FN3K: variants seen among roughly 807,000 people sequenced by gnomAD.
FN3K encodes the protein fructosamine 3 kinase.
Under a neutral mutation model 24.8 loss-of-function variants are expected in FN3K, and 24 were observed. The observed-to-expected ratio is 0.97, with a 90% CI of 0.70 to 1.36. FN3K has a LOEUF of 1.36. Ranked by LOEUF, FN3K falls within the 40% of genes most tolerant of loss-of-function variation. FN3K has a pLI of 0.00. For synonymous variants in FN3K, 192 were observed against 175.2 expected, an observed-to-expected ratio of 1.10 and a Z score of -0.76; for missense variants, 449 against 416.7, an observed-to-expected ratio of 1.08 and a Z score of -0.67.
intron 1 of FN3K, 86 bp from the exon 2 acceptor site, chr17:82,738,403 C>T: frequency 6.4e-7 from 1 of 1,571,762 alleles, no homozygotes; most frequent in Non-Finnish European, 8.7e-7. Flanking sequence ...CCTTGTGACT[C>T]CCACGTGGTA....
At chr17:82,745,892 G>A (rs933800746) in intron 4 of FN3K, among the ~76,000 whole-genome samples, 5 of 151,988 alleles carry the variant, frequency 3.3e-5, no homozygotes, top group African/African-American at 1.2e-4. Context: ...AGGAGGTCGA[G>A]ACCATCATGG....
At chr17:82,739,375 G>A (rs1367855430) in intron 2 of FN3K, among the ~76,000 whole-genome samples, 2 of 151,794 alleles carry the variant, frequency 1.3e-5, no homozygotes, top group East Asian at 1.9e-4. Flanking sequence ...TGCAAACTCC[G>A]CCTCCTGGGT....
chr17:82,747,335 C>T (rs2046973964), intron 4 of FN3K, among the ~76,000 whole-genome samples: 1 of 152,172 alleles, frequency 6.6e-6, no homozygotes, highest in African/African-American at 2.4e-5. Context: ...CTTTCTTAAA[C>T]AGATTTTAGA....
intron 3 of FN3K, chr17:82,741,099 C>T (rs1230461522): frequency 1.5e-6 from 1 of 667,882 alleles, no homozygotes; most frequent in Non-Finnish European, 2.7e-6. Flanking sequence ...GTAATAATAA[C>T]CCCTTTTATA....
At chr17:82,743,925 T>C (rs2046954599) in intron 4 of FN3K, among the ~76,000 whole-genome samples, 2 of 152,168 alleles carry the variant, frequency 1.3e-5, no homozygotes, top group Non-Finnish European at 2.9e-5. Context: ...TCACAGCCCC[T>C]CTGTTCAGGT....
At chr17:82,747,486 T>C (rs918048460) in intron 4 of FN3K, among the ~76,000 whole-genome samples, 1 of 152,182 alleles carries the variant, frequency 6.6e-6, no homozygotes, top group African/African-American at 2.4e-5. Context: ...CTGCAACCTC[T>C]GCCTCTTGGT....
At chr17:82,741,577 C>T in intron 4 of FN3K, 184 bp downstream of exon 4, 1 of 599,916 alleles carries the variant, frequency 1.7e-6, no homozygotes, top group African/African-American at 1.8e-5. Context: ...CTGAGCTGGG[C>T]AGGGTCATGG....
At chr17:82,746,447 A>G (rs1598343053) in intron 4 of FN3K, among the ~76,000 whole-genome samples, 1 of 151,878 alleles carries the variant, frequency 6.6e-6, no homozygotes, top group Non-Finnish European at 1.5e-5. Context: ...TGAGTGTTTT[A>G]CCAGATATAT....
chr17:82,739,746 C>T (rs754499678), intron 2 of FN3K, among the ~76,000 whole-genome samples: 6 of 152,156 alleles, frequency 3.9e-5, no homozygotes, highest in East Asian at 1.9e-4. Context: ...CGTGAGCCAC[C>T]GCGCCCGGCC....
At chr17:82,738,251 G>A in intron 1 of FN3K, 2 of 553,388 alleles carry the variant, frequency 3.6e-6, no homozygotes, top group Non-Finnish European at 6.5e-6. Context: ...TGTCACAGCA[G>A]CCTGCAGACC....
At chr17:82,740,731 A>G (rs372789922) in intron 2 of FN3K, 32 bp from the exon 3 acceptor site, 1 of 1,490,994 alleles carries the variant, frequency 6.7e-7, no homozygotes. Flanking sequence ...ATTATTTGTT[A>G]TTTTAATTAG....
Position 82,745,985 on chromosome 17 carries a change from T to C in FN3K, c.469-2870T>C, listed in dbSNP as rs60152016. Among the ~76,000 whole-genome samples, 1,239 of 151,482 alleles carry C rather than the reference T, an allele frequency of 8.2e-3. 11 individuals are homozygous for C. The highest frequency in any genetic ancestry group is 0.028 in the African/African-American group (1,142 of 41,248). ...GGCGGGCGCCTGTAGTCCCAGCTAC[T>C]TGGGAGGCTGAGGCAGGAGAATGGC... On this transcript the variant is annotated intron_variant, in intron 4 of 5. Coordinates refer to ENST00000300784, the MANE Select transcript of FN3K (RefSeq NM_022158.4).
chr17:82,735,717 G>T lies in FN3K; in HGVS notation c.81G>T (p.Glu27Asp). 6.4e-7 allele frequency: 1 copy of T among 1,554,318 alleles called. No homozygotes were observed. The highest frequency in any genetic ancestry group is 1.4e-5 in the African/African-American group (1 of 73,782). ...GCCCCGGCGCCGGCTGCATCAGCGA[G>T]GGCCGAGCCTACGACACGGACGCAG... ...FGGPGAGCISEGRAYDTDAGP... is the reference protein window; with the variant it reads ...FGGPGAGCISDGRAYDTDAGP... The change falls in exon 1 of 6, where the codon GAG (glutamate) becomes GAT (aspartate). Residue 27 changes from glutamate (E) to aspartate (D), a missense_variant. By Grantham distance (45) the Glu-to-Asp change is conservative. Transcript: ENST00000300784.
At chr17:82,739,904 C>G (rs898027297) in intron 2 of FN3K, among the ~76,000 whole-genome samples, 18 of 145,326 alleles carry the variant, frequency 1.2e-4, no homozygotes, top group South Asian at 6.6e-4. Context: ...TTTTTCTTTC[C>G]TTTTTTTTTT....
Position 82,750,784 on chromosome 17 carries a change from CGTCCCCGTCTCCGTCTCCCCGTCCCT to C in FN3K, c.*36_*61del. The C allele has an allele frequency of 1.3e-6, 2 of 1,577,402 alleles. No individual in the cohort carries two copies. Among genetic ancestry groups the C allele is most frequent in the Non-Finnish European group, 8.6e-7 (1 of 1,158,710 alleles). On this transcript the variant is annotated 3_prime_UTR_variant, in exon 6 of 6. Transcript: ENST00000300784. ...CCCCTGCCCTCCCTTCCCCTGTCCC[CGTCCCCGTCTCCGTCTCCCCGTCCCT>C]GTCCCCCCGTCCCCCGTCCCTGTGC...
At position 82,750,584 on chromosome 17, in the gene FN3K, G is replaced by A. The variant is rs374231852; in HGVS notation, c.759G>A (p.Gly253=). 3.7e-5 allele frequency: 59 copies of A among 1,613,990 alleles called. No homozygotes were observed. Among genetic ancestry groups the A allele is most frequent in the Middle Eastern group, 1.6e-4 (1 of 6,084 alleles). The change falls in exon 6 of 6, where the codon GGG becomes GGA. Residue 253 remains glycine, a synonymous_variant. Coordinates refer to ENST00000300784, the MANE Select transcript of FN3K (RefSeq NM_022158.4). ...EFELAIALMF[G]GFPRSFFTAY... Reference sequence around the variant, plus strand: ...AACTGGCAATCGCCTTGATGTTTGGGGGGTTCCCCAGATCCTTCTTCACCG... The same window carrying A: ...AACTGGCAATCGCCTTGATGTTTGGAGGGTTCCCCAGATCCTTCTTCACCG...
Position 82,748,963 on chromosome 17 carries a change from T to C in FN3K, c.577T>C (p.Trp193Arg), listed in dbSNP as rs765189727. ...DYADREAREL[W>R]SRLQVKIPDL... ...TGCTGACCGAGAGGCACGAGAACTC[T>C]GGTCCCGGCTACAGGTGGGCACGGC... The change falls in exon 5 of 6, where the codon TGG (tryptophan) becomes CGG (arginine). Residue 193 changes from tryptophan to arginine, a missense_variant. By Grantham distance (101) the Trp-to-Arg change is moderately radical. Transcript: ENST00000300784. 1 of 1,614,198 alleles carries C rather than the reference T, an allele frequency of 6.2e-7. No individual in the cohort carries two copies. Among genetic ancestry groups the C allele is most frequent in the South Asian group, 1.1e-5 (1 of 91,088 alleles).
intron 1 of FN3K, chr17:82,738,211 G>A (rs947485056): frequency 1.1e-5 from 5 of 445,800 alleles, no homozygotes; most frequent in East Asian, 4.0e-5. Context: ...CAGTGCTCCC[G>A]GGCACCCACA....
At chr17:82,736,063 T>G (rs1458942629) in intron 1 of FN3K, 4 of 407,716 alleles carry the variant, frequency 9.8e-6, no homozygotes, top group South Asian at 5.3e-5. Flanking sequence ...CTTGGGGTCC[T>G]TGGCTCAGCT....
Sources: allele counts gnomAD v4.1 joint callset (sites outside exome capture counted in the v4.1 genomes callset), GRCh38; gene constraint gnomAD v4.1.1; transcripts MANE v1.5; gene names NCBI Gene and HGNC (gene_info 2026-07-23, HGNC 2026-07-21).